CALN1: variants seen among roughly 807,000 people sequenced by gnomAD.
CALN1 encodes the protein calneuron 1, also known as calcium-binding protein 8.
Under a neutral mutation model 30.6 loss-of-function variants are expected in CALN1, and 17 were observed. The observed-to-expected ratio is 0.56, with a 90% confidence interval of 0.38 to 0.83. The LOEUF is 0.83. Among genes scored for constraint, CALN1 ranks in the 40% least tolerant of loss-of-function variants. CALN1 has a pLI of 0.00. For synonymous variants in CALN1, 156 were observed against 131.4 expected (o/e 1.19, Z -1.28); for missense variants, 291 against 354.9 (o/e 0.82, Z 1.45).
At chr7:71,869,610 G>A (rs1156518063) in intron 5 of CALN1, among the ~76,000 whole-genome samples, 1 of 152,160 alleles carries the variant, frequency 6.6e-6, no homozygotes, top group Non-Finnish European at 1.5e-5. Flanking sequence ...AAACCTAACA[G>A]GTAATCAATA....
At chr7:72,374,319 A>C (rs1174212991) in intron 2 of CALN1, among the ~76,000 whole-genome samples, 1 of 152,224 alleles carries the variant, frequency 6.6e-6, no homozygotes, top group Non-Finnish European at 1.5e-5. Context: ...ACCTGAGGTC[A>C]GGAGCTCAAT....
chr7:71,933,578 G>C (rs1003375509), intron 5 of CALN1, among the ~76,000 whole-genome samples: 1 of 152,132 alleles, frequency 6.6e-6, no homozygotes, highest in African/African-American at 2.4e-5. Flanking sequence ...AAAAGAAATG[G>C]TTGCTTTGCT....
At chr7:72,285,325 G>A (rs909186986) in intron 2 of CALN1, among the ~76,000 whole-genome samples, 6 of 152,106 alleles carry the variant, frequency 3.9e-5, no homozygotes, top group Middle Eastern at 6.4e-3. Context: ...GCCACTGCAA[G>A]CTCCGCCTCC....
chr7:71,847,281 T>C (rs750017696), intron 5 of CALN1, among the ~76,000 whole-genome samples: 1 of 152,028 alleles, frequency 6.6e-6, no homozygotes, highest in Non-Finnish European at 1.5e-5. Context: ...TGGTGGGAGA[T>C]AATTGAATCA....
intron 3 of CALN1, among the ~76,000 whole-genome samples, chr7:72,205,552 ATAT>A (rs1484087788): frequency 9.3e-5 from 6 of 64,814 alleles, no homozygotes; most frequent in African/African-American, 3.2e-4. Context: ...CAAAAAAAAA[ATAT>A]ATATATATAT....
intron 5 of CALN1, among the ~76,000 whole-genome samples, chr7:71,998,980 A>C (rs1333034682): frequency 1.3e-5 from 2 of 152,216 alleles, no homozygotes; most frequent in African/African-American, 4.8e-5. Flanking sequence ...AATTAATAAA[A>C]TGGTAGACTT....
chr7:72,421,617 C>T (rs1807613412), intron 1 of CALN1, among the ~76,000 whole-genome samples: 1 of 103,436 alleles, frequency 9.7e-6, no homozygotes, highest in South Asian at 3.4e-4. Flanking sequence ...AAGTCTTGCT[C>T]TGTCAGCCAG....
intron 2 of CALN1, among the ~76,000 whole-genome samples, chr7:72,299,973 C>T (rs1233880749): frequency 3.3e-5 from 5 of 151,956 alleles, no homozygotes; most frequent in African/African-American, 1.2e-4. Context: ...TCTCTGCCTC[C>T]CCGGTTTAAG....
At chr7:72,457,900 C>A in the CALN1 span, among the ~76,000 whole-genome samples, 1 of 151,498 alleles carries the variant, frequency 6.6e-6, no homozygotes, top group African/African-American at 2.4e-5. Context: ...AGACTACAGG[C>A]ATGCACCACC....
intron 2 of CALN1, among the ~76,000 whole-genome samples, chr7:72,326,521 G>C (rs1024314145): frequency 6.6e-6 from 1 of 152,238 alleles, no homozygotes; most frequent in Non-Finnish European, 1.5e-5. Flanking sequence ...AGATTAAAAA[G>C]CAGAGCAACT....
At chr7:72,358,587 G>C (rs558379091) in intron 2 of CALN1, among the ~76,000 whole-genome samples, 3 of 152,134 alleles carry the variant, frequency 2.0e-5, no homozygotes, top group Non-Finnish European at 4.4e-5. Flanking sequence ...ACTTCGGAGA[G>C]AGAAGAAAAG....
intron 3 of CALN1, among the ~76,000 whole-genome samples, chr7:72,233,177 A>C (rs1179350271): frequency 1.3e-5 from 2 of 151,500 alleles, no homozygotes; most frequent in East Asian, 3.9e-4. Flanking sequence ...TACAATAAAG[A>C]TCATTCTGTA....
At chr7:71,943,200 C>A (rs937443179) in intron 5 of CALN1, among the ~76,000 whole-genome samples, 24 of 152,200 alleles carry the variant, frequency 1.6e-4, no homozygotes, top group African/African-American at 5.5e-4. Flanking sequence ...ACCTGTCTCA[C>A]ATTTTCTGGT....
intron 3 of CALN1, among the ~76,000 whole-genome samples, chr7:72,210,513 G>C (rs190112452): frequency 2.2e-4 from 34 of 152,012 alleles, no homozygotes; most frequent in Non-Finnish European, 5.0e-4. Flanking sequence ...ATTGCCTCAC[G>C]GTTCAGCATG....
At chr7:72,205,587 T>TACG (rs1791815805) in intron 3 of CALN1, among the ~76,000 whole-genome samples, 2 of 133,560 alleles carry the variant, frequency 1.5e-5, no homozygotes, top group African/African-American at 5.7e-5. Context: ...TATATATATA[T>TACG]TCAGGAGAAA....
At chr7:72,482,058 C>T in the CALN1 span, among the ~76,000 whole-genome samples, 5 of 152,006 alleles carry the variant, frequency 3.3e-5, no homozygotes, top group Admixed American at 3.3e-4. Flanking sequence ...TCAGGTATTT[C>T]GAAGCTCTGT....
At chr7:72,279,358 A>G (rs1377483869) in intron 2 of CALN1, among the ~76,000 whole-genome samples, 1 of 152,200 alleles carries the variant, frequency 6.6e-6, no homozygotes, top group East Asian at 1.9e-4. Context: ...CTGCATCTCA[A>G]GCAGCAGCTG....
At chr7:72,286,351 T>C (rs148952680) in intron 2 of CALN1, among the ~76,000 whole-genome samples, 1 of 152,186 alleles carries the variant, frequency 6.6e-6, no homozygotes, top group African/African-American at 2.4e-5. Flanking sequence ...GTATGCAAGG[T>C]GGCTAGGAAT....
At chr7:72,325,092 G>C (rs1801178579) in intron 2 of CALN1, among the ~76,000 whole-genome samples, 1 of 151,680 alleles carries the variant, frequency 6.6e-6, no homozygotes, top group Non-Finnish European at 1.5e-5. Context: ...TTAAGGGCAG[G>C]AGTTCAAGAC....
Sources: allele counts gnomAD v4.1 joint callset (sites outside exome capture counted in the v4.1 genomes callset), GRCh38; gene constraint gnomAD v4.1.1; transcripts MANE v1.5; gene names NCBI Gene and HGNC (gene_info 2026-07-23, HGNC 2026-07-21).